Variants in PDE9A observed in about 807,000 individuals in gnomAD.
PDE9A encodes the protein high affinity cGMP-specific 3',5'-cyclic phosphodiesterase 9A.
PDE9A carries 60 observed loss-of-function variants against 87.4 expected under a neutral mutation model. The observed-to-expected ratio is 0.69, with a 90% CI of 0.56 to 0.85. PDE9A has a LOEUF of 0.85. Among genes scored for constraint, PDE9A ranks in the 40% least tolerant of loss-of-function variants. The probability of loss-of-function intolerance (pLI) is 0.00; values close to 1 mark genes in which losing one functional copy is unlikely to be tolerated. For synonymous variants in PDE9A, 272 were observed against 279.4 expected (o/e 0.97, Z 0.27); for missense variants, 665 against 779.0 (o/e 0.85, Z 1.74).
At chr21:42,766,506 A>T (rs2056418158) in intron 15 of PDE9A, among the ~76,000 whole-genome samples, 1 of 152,310 alleles carries the variant, frequency 6.6e-6, no homozygotes, top group Non-Finnish European at 1.5e-5. Flanking sequence ...AAAGATAGGG[A>T]ACTCTCGGCT....
chr21:42,772,183 G>A (rs1602610669), intron 18 of PDE9A, among the ~76,000 whole-genome samples: 2 of 152,324 alleles, frequency 1.3e-5, no homozygotes, highest in Admixed American at 6.5e-5. Flanking sequence ...CACACCACCA[G>A]TCCCCGCGGC....
intron 1 of PDE9A, among the ~76,000 whole-genome samples, chr21:42,685,387 G>A (rs976037245): frequency 6.6e-6 from 1 of 152,104 alleles, no homozygotes; most frequent in Middle Eastern, 3.2e-3. Context: ...GATCCTCAAC[G>A]GTTCTGTTGT....
intron 7 of PDE9A, among the ~76,000 whole-genome samples, chr21:42,737,552 C>T (rs532548944): frequency 2.8e-4 from 42 of 152,284 alleles, no homozygotes; most frequent in African/African-American, 8.9e-4. Context: ...CTCTGCCCCC[C>T]GAAGACAGGA....
chr21:42,680,238 G>A (rs1412611684), intron 1 of PDE9A, among the ~76,000 whole-genome samples: 1 of 152,246 alleles, frequency 6.6e-6, no homozygotes, highest in Non-Finnish European at 1.5e-5. Context: ...GTCGCCACCA[G>A]CTCCACATCT....
intron 1 of PDE9A, among the ~76,000 whole-genome samples, chr21:42,665,441 C>G (rs898352858): frequency 2.6e-5 from 4 of 152,196 alleles, no homozygotes; most frequent in African/African-American, 9.7e-5. Flanking sequence ...CCTCCTCCCC[C>G]ACCCAGAGAC....
intron 1 of PDE9A, among the ~76,000 whole-genome samples, chr21:42,673,330 G>A (rs1365156384): frequency 1.3e-5 from 2 of 152,096 alleles, no homozygotes; most frequent in African/African-American, 4.8e-5. Context: ...AGAGACAGCC[G>A]AATGGCACGG....
chr21:42,755,645 T>C (rs374238348), intron 10 of PDE9A, among the ~76,000 whole-genome samples: 5 of 152,290 alleles, frequency 3.3e-5, no homozygotes, highest in East Asian at 1.9e-4. Context: ...AAGAGACGTG[T>C]TGGAGCTGCT....
chr21:42,714,133 C>T lies in PDE9A; in HGVS notation c.262+15122C>T, dbSNP rs1357320644. 4.0e-5 allele frequency among the ~76,000 whole-genome samples: 6 copies of T among 151,064 alleles called. No homozygotes were observed. In the East Asian group the frequency reaches 5.8e-4, roughly 15 times the overall value. On this transcript the variant is annotated intron_variant, in intron 4 of 19. Transcript: ENST00000291539. Reference sequence around the variant, plus strand: ...TCCCGGGTTCACGCCATTCTCCTGCCTCAGCCTCCCAAGTAGCTGGGACTA... The same window carrying T: ...TCCCGGGTTCACGCCATTCTCCTGCTTCAGCCTCCCAAGTAGCTGGGACTA...
intron 7 of PDE9A, chr21:42,741,775 G>C (rs1242523032): frequency 6.6e-6 from 1 of 152,168 alleles, no homozygotes; most frequent in East Asian, 1.9e-4. Context: ...GTTTCTTTCC[G>C]GAGCTGCAGT....
intron 1 of PDE9A, among the ~76,000 whole-genome samples, chr21:42,685,142 C>T (rs562131844): frequency 1.3e-5 from 2 of 152,354 alleles, no homozygotes; most frequent in East Asian, 3.9e-4. Context: ...GAAGGCGGGG[C>T]CTCGGCGTGG....
At chr21:42,707,874 G>A (rs970053337) in intron 4 of PDE9A, among the ~76,000 whole-genome samples, 7 of 152,204 alleles carry the variant, frequency 4.6e-5, no homozygotes, top group African/African-American at 1.7e-4. Flanking sequence ...CACTTGGTAA[G>A]CGCCCAGTAA....
chr21:42,679,412 G>A (rs755360352), intron 1 of PDE9A, among the ~76,000 whole-genome samples: 5 of 152,082 alleles, frequency 3.3e-5, no homozygotes, highest in Non-Finnish European at 5.9e-5. Flanking sequence ...GCTGCTTCGG[G>A]GCTCTCAGAA....
At chr21:42,699,167 AT>A (rs2060305033) in intron 4 of PDE9A, 156 bp downstream of exon 4, 1 of 590,234 alleles carries the variant, frequency 1.7e-6, no homozygotes, top group Non-Finnish European at 3.0e-6. Flanking sequence ...TTAGTTAAGC[AT>A]TTGAATCTGC....
At chr21:42,753,939 C>A in intron 9 of PDE9A, 51 bp from the exon 10 acceptor site, 1 of 925,534 alleles carries the variant, frequency 1.1e-6, no homozygotes, top group Non-Finnish European at 1.8e-6. Flanking sequence ...ATGCACATCA[C>A]TGTCACAGGC....
At chr21:42,653,985 T>C in intron 1 of PDE9A, 102 bp downstream of exon 1, 1 of 428,664 alleles carries the variant, frequency 2.3e-6, no homozygotes, top group Non-Finnish European at 4.0e-6. Context: ...CGGTCCAGGC[T>C]GCGGCCTCCG....
chr21:42,748,652 G>A (rs920456114), intron 8 of PDE9A, among the ~76,000 whole-genome samples: 1 of 152,160 alleles, frequency 6.6e-6, no homozygotes, highest in African/African-American at 2.4e-5. Flanking sequence ...TTTAAACCTG[G>A]ACACGAGGCC....
intron 8 of PDE9A, among the ~76,000 whole-genome samples, chr21:42,747,560 G>A (rs180920435): frequency 1.3e-4 from 20 of 152,372 alleles, no homozygotes; most frequent in African/African-American, 2.6e-4. Context: ...ATCGGGGTCC[G>A]GCACACAGCA....
chr21:42,665,419 C>T (rs1055699032), intron 1 of PDE9A, among the ~76,000 whole-genome samples: 2 of 152,196 alleles, frequency 1.3e-5, no homozygotes, highest in African/African-American at 4.8e-5. Flanking sequence ...ACCGTTCAAC[C>T]TGCCCTCTGG....
intron 4 of PDE9A, among the ~76,000 whole-genome samples, chr21:42,721,494 T>C (rs2050525401): frequency 6.6e-6 from 1 of 152,242 alleles, no homozygotes; most frequent in African/African-American, 2.4e-5. Flanking sequence ...GAAGGGCTCC[T>C]GTGCCTTTAA....
Sources: gnomAD v4.1 joint callset for allele counts (sites outside exome capture counted in the v4.1 genomes callset) on GRCh38, gnomAD v4.1.1 for gene constraint, MANE v1.5 for transcripts, NCBI Gene and HGNC (gene_info 2026-07-23, HGNC 2026-07-21) for gene names.